ROCK2: variants seen among roughly 807,000 people sequenced by gnomAD.
The protein encoded by ROCK2 is rho-associated protein kinase 2.
In ROCK2, 61 loss-of-function variants were observed where a neutral mutation model predicts 195.1. The observed-to-expected ratio is 0.31, with a 90% CI of 0.25 to 0.39. The LOEUF is 0.39. ROCK2 is among the 10% of genes least tolerant of loss of function. The pLI is 1.00. For synonymous variants in ROCK2, 504 were observed against 545.5 expected (o/e 0.92, Z 1.06); for missense variants, 1,109 against 1,637.4 (o/e 0.68, Z 5.57).
chr2:11,239,288 G>A (rs1053785382), intron 4 of ROCK2, among the ~76,000 whole-genome samples: 2 of 152,106 alleles, frequency 1.3e-5, no homozygotes, highest in Non-Finnish European at 2.9e-5. Context: ...ACCACAGGTT[G>A]GGAGGAAATA....
intron 1 of ROCK2, among the ~76,000 whole-genome samples, chr2:11,341,676 T>C (rs1194237972): frequency 6.6e-6 from 1 of 152,184 alleles, no homozygotes; most frequent in Non-Finnish European, 1.5e-5. Context: ...TTCCTTTAAA[T>C]TTTCTGTTAA....
At chr2:11,309,181 T>TAA (rs34609303) in intron 1 of ROCK2, among the ~76,000 whole-genome samples, 134 of 146,438 alleles carry the variant, frequency 9.2e-4, no homozygotes, top group South Asian at 1.7e-3. Context: ...TACTTTCTAT[T>TAA]AAAAAAAAAA....
At chr2:11,228,762 GACAC>G (rs749715032) in intron 5 of ROCK2, among the ~76,000 whole-genome samples, 1 of 151,856 alleles carries the variant, frequency 6.6e-6, no homozygotes, top group Non-Finnish European at 1.5e-5. Context: ...ACTTACTGGA[GACAC>G]ACACACAGAC....
At chr2:11,222,389 T>C (rs1664665436) in intron 7 of ROCK2, among the ~76,000 whole-genome samples, 1 of 152,102 alleles carries the variant, frequency 6.6e-6, no homozygotes, top group Non-Finnish European at 1.5e-5. Context: ...ACAATAAATG[T>C]CATGAAAAGT....
intron 32 of ROCK2, among the ~76,000 whole-genome samples, chr2:11,188,502 C>CT (rs1320296246): frequency 6.6e-6 from 1 of 152,178 alleles, no homozygotes; most frequent in Non-Finnish European, 1.5e-5. Context: ...AAATTTCCTA[C>CT]TTTTCCAGTA....
In ROCK2 at chr2:11,296,642, T is replaced by C. The variant is rs2122383; in HGVS notation, c.142-8906A>G. Among the ~76,000 whole-genome samples the C allele has an allele frequency of 7.2e-3, 1,095 of 151,994 alleles. 17 individuals are homozygous for C. The highest frequency in any genetic ancestry group is 0.025 in the African/African-American group (1,042 of 41,474). On this transcript the variant is annotated intron_variant, in intron 1 of 32. Transcript: ENST00000315872. ...ATTACGTAATTTAGGATATGGAGAG[T>C]TGGAAGGTTTTTACACTTTAACGTC...
At chr2:11,237,316 A>C (rs1553303726) in intron 4 of ROCK2, among the ~76,000 whole-genome samples, 1 of 152,240 alleles carries the variant, frequency 6.6e-6, no homozygotes, top group Non-Finnish European at 1.5e-5. Flanking sequence ...AACTGAAAAA[A>C]TGAATGTTCT....
chr2:11,295,966 A>AAGAGAAAGAGAGAGAG (rs1667500209), intron 1 of ROCK2, among the ~76,000 whole-genome samples: 4 of 77,718 alleles, frequency 5.1e-5, no homozygotes, highest in Admixed American at 3.3e-4. Context: ...CAAAAAACAA[A>AAGAGAAAGAGAGAGAG]AGAGAGAGAG....
At chr2:11,236,792 CA>C (rs1322527652) in intron 4 of ROCK2, among the ~76,000 whole-genome samples, 20 of 152,104 alleles carry the variant, frequency 1.3e-4, no homozygotes, top group Non-Finnish European at 2.5e-4. Flanking sequence ...GAGAAAACAG[CA>C]ATTTGAGAAA....
intron 1 of ROCK2, chr2:11,308,905 T>C: frequency 6.2e-7 from 1 of 1,611,986 alleles, no homozygotes; most frequent in Non-Finnish European, 8.5e-7. Flanking sequence ...AGAAACCACT[T>C]TATCTTCATC....
rs35159426 is a variant in ROCK2 at position 11,219,336 on chromosome 2, CAAAAAAAAAAAA to C, written c.1260-322_1260-311del. ...TCAACATGGTGAAACCTTATCTCTA[CAAAAAAAAAAAA>C]AAAAAAAAAAAAATTAGCCGGGCAT... On this transcript the variant is annotated intron_variant, in intron 9 of 32. Coordinates refer to ENST00000315872, the MANE Select transcript of ROCK2 (RefSeq NM_004850.5). Among the ~76,000 whole-genome samples, 125 of 67,392 alleles carry C rather than the reference CAAAAAAAAAAAA, an allele frequency of 1.9e-3. 3 individuals are homozygous for C. Among genetic ancestry groups the C allele is most frequent in the African/African-American group, 8.3e-3 (121 of 14,596 alleles). 44.2% of individuals were successfully genotyped at this position (67,392 alleles called of 152,430 possible).
intron 3 of ROCK2, among the ~76,000 whole-genome samples, chr2:11,261,823 TTAAA>T (rs908650203): frequency 1.6e-4 from 24 of 152,152 alleles, no homozygotes; most frequent in Non-Finnish European, 1.5e-5. Context: ...AGACTCTGTC[TTAAA>T]TAAATAAAGA....
intron 3 of ROCK2, among the ~76,000 whole-genome samples, chr2:11,265,366 T>C (rs1346421579): frequency 6.6e-6 from 1 of 152,206 alleles, no homozygotes; most frequent in African/African-American, 2.4e-5. Flanking sequence ...AATATAACGT[T>C]GGCTTATTTT....
chr2:11,225,598 C>T (rs1019683315), intron 6 of ROCK2, among the ~76,000 whole-genome samples: 12 of 152,198 alleles, frequency 7.9e-5, no homozygotes, highest in Admixed American at 3.9e-4. Flanking sequence ...CCTCAGCCTC[C>T]TGAAGAGCTG....
intron 20 of ROCK2, among the ~76,000 whole-genome samples, chr2:11,205,084 C>T (rs1664001492): frequency 6.6e-6 from 1 of 152,150 alleles, no homozygotes; most frequent in African/African-American, 2.4e-5. Context: ...AAAGGGACCC[C>T]TAAATGCCAG....
chr2:11,310,322 T>G (rs1480009704), intron 1 of ROCK2, among the ~76,000 whole-genome samples: 1 of 152,144 alleles, frequency 6.6e-6, no homozygotes, highest in Non-Finnish European at 1.5e-5. Flanking sequence ...TTATTTACAA[T>G]TTTTAAAAAA....
In ROCK2 at chr2:11,299,304, C is replaced by G. The variant is rs553607081; in HGVS notation, c.142-11568G>C. On this transcript the variant is annotated intron_variant, in intron 1 of 32. Coordinates refer to ENST00000315872, the MANE Select transcript of ROCK2 (RefSeq NM_004850.5). ...AAAAAAAAAATCACTGGAAATACCCCAAGATCAAATCATTATACCCACAGA... is the reference window on the plus strand; with the variant it reads ...AAAAAAAAAATCACTGGAAATACCCGAAGATCAAATCATTATACCCACAGA... 2.6e-5 allele frequency among the ~76,000 whole-genome samples: 4 copies of G among 151,578 alleles called. No homozygotes were observed. The South Asian group carries it at 8.3e-4, about 32-fold the overall frequency.
intron 4 of ROCK2, among the ~76,000 whole-genome samples, chr2:11,239,845 G>C (rs1407545695): frequency 6.6e-6 from 1 of 152,114 alleles, no homozygotes; most frequent in African/African-American, 2.4e-5. Flanking sequence ...GGACTTACTG[G>C]CTACAAATTC....
At chr2:11,318,386 T>C (rs1668292862) in intron 1 of ROCK2, among the ~76,000 whole-genome samples, 1 of 152,350 alleles carries the variant, frequency 6.6e-6, no homozygotes, top group South Asian at 2.1e-4. Flanking sequence ...TTTTTTCATG[T>C]GTCTGTTGGC....
Sources: allele counts gnomAD v4.1 joint callset (sites outside exome capture counted in the v4.1 genomes callset), GRCh38; gene constraint gnomAD v4.1.1; transcripts MANE v1.5; gene names NCBI Gene and HGNC (gene_info 2026-07-23, HGNC 2026-07-21).